The following FAM117A variants were observed in gnomAD, a reference collection of about 807,000 sequenced individuals.
The protein encoded by FAM117A is family with sequence similarity 117 member A, also known as protein FAM117A.
In FAM117A, 21 loss-of-function variants were observed where a neutral mutation model predicts 44.1. The observed-to-expected ratio is 0.48, with a 90% confidence interval of 0.34 to 0.69. The LOEUF is 0.69. Among genes scored for constraint, FAM117A ranks in the 30% least tolerant of loss-of-function variants. The pLI is 0.01. For synonymous variants in FAM117A, 220 were observed against 238.3 expected (o/e 0.92, Z 0.71); for missense variants, 498 against 589.9 (o/e 0.84, Z 1.61).
At chr17:49,766,355 A>G (rs1249420293), upstream of FAM117A, among the ~76,000 whole-genome samples, 13 of 152,244 alleles carry the variant, frequency 8.5e-5, no homozygotes, top group African/African-American at 2.2e-4. Context: ...CACATACATT[A>G]TCTCATTTAA....
upstream of FAM117A, chr17:49,788,719 G>A (rs773102402): frequency 1.9e-4 from 222 of 1,162,982 alleles, no homozygotes; most frequent in Non-Finnish European, 2.6e-4. Context: ...GAGGCACTAG[G>A]GATCGTCCGC....
At chr17:49,773,903 G>A (rs1341751700) in intron 1 of FAM117A, among the ~76,000 whole-genome samples, 1 of 151,894 alleles carries the variant, frequency 6.6e-6, no homozygotes, top group South Asian at 2.1e-4. Flanking sequence ...ACAGGCATGC[G>A]CCACCACGCC....
intron 1 of FAM117A, among the ~76,000 whole-genome samples, chr17:49,758,615 C>A: frequency 7.5e-6 from 1 of 133,226 alleles, no homozygotes; most frequent in Non-Finnish European, 1.5e-5. Context: ...CAAAGCGAGA[C>A]TGTCTCAAAA....
intron 1 of FAM117A, among the ~76,000 whole-genome samples, chr17:49,775,049 C>T (rs1176096833): frequency 6.6e-6 from 1 of 152,098 alleles, no homozygotes; most frequent in Admixed American, 6.5e-5. Flanking sequence ...AGTGCAGTGG[C>T]GCGATCTCAG....
chr17:49,721,926 T>TAA (rs55897746), intron 3 of FAM117A, among the ~76,000 whole-genome samples: 13 of 140,382 alleles, frequency 9.3e-5, no homozygotes, highest in African/African-American at 2.1e-4. Flanking sequence ...CCATCTCTAC[T>TAA]AAAAAAAAAA....
intron 2 of FAM117A, among the ~76,000 whole-genome samples, chr17:49,729,200 AT>A (rs369696138): frequency 2.5e-4 from 38 of 152,316 alleles, no homozygotes; most frequent in African/African-American, 8.9e-4. Flanking sequence ...CTGGCTTGCA[AT>A]GGGCAGGGCC....
chr17:49,721,160 T>G (rs192489474), intron 3 of FAM117A, among the ~76,000 whole-genome samples: 18 of 152,292 alleles, frequency 1.2e-4, no homozygotes, highest in Admixed American at 1.1e-3. Context: ...GGAACAGGGA[T>G]AGACACTCAA....
intron 1 of FAM117A, among the ~76,000 whole-genome samples, chr17:49,783,549 G>A (rs373302647): frequency 6.6e-5 from 10 of 152,100 alleles, no homozygotes; most frequent in African/African-American, 2.2e-4. Context: ...GTGGGGCTGC[G>A]GGTGGGGGCT....
chr17:49,753,300 C>CA (rs1471870237), intron 1 of FAM117A, among the ~76,000 whole-genome samples: 1 of 152,200 alleles, frequency 6.6e-6, no homozygotes, highest in Non-Finnish European at 1.5e-5. Context: ...TCACAACGGA[C>CA]TTTTTCTGCA....
chr17:49,738,589 G>GTTT (rs2073620331), intron 1 of FAM117A, among the ~76,000 whole-genome samples: 1 of 152,134 alleles, frequency 6.6e-6, no homozygotes, highest in South Asian at 2.1e-4. Flanking sequence ...GAGACAGCTG[G>GTTT]GCCTCAGCCT....
rs1238394942 is a variant in FAM117A, at chr17:49,733,038, A to C, written c.197-318T>G. ...CGTGAACTCCTAGATCTCCACACTG[A>C]GTTTCCTGAGAGCAGCACTGTTTCC... On this transcript the variant is annotated intron_variant, in intron 1 of 7. Transcript: ENST00000240364. The C allele has an allele frequency of 3.1e-5, 9 of 294,516 alleles. No homozygotes were observed. The East Asian group carries it at 5.9e-4, about 19-fold the overall frequency. 18.2% of individuals were successfully genotyped at this position (294,516 alleles called of 1,614,324 possible). A position where few individuals can be genotyped will look rare whatever the true frequency, so the allele number is the denominator to read the frequency against.
At chr17:49,749,640 A>G (rs1364655418) in intron 1 of FAM117A, among the ~76,000 whole-genome samples, 2 of 146,262 alleles carry the variant, frequency 1.4e-5, no homozygotes, top group African/African-American at 4.9e-5. Flanking sequence ...AGTGTTTCTT[A>G]GTCTAAGGAA....
upstream of FAM117A, among the ~76,000 whole-genome samples, chr17:49,768,085 T>A (rs2073750516): frequency 6.6e-6 from 1 of 152,188 alleles, no homozygotes; most frequent in African/African-American, 2.4e-5. Context: ...TTATTTTTCC[T>A]ACAGGTGTAA....
chr17:49,746,500 A>C (rs1400154554), intron 1 of FAM117A, among the ~76,000 whole-genome samples: 4 of 152,228 alleles, frequency 2.6e-5, no homozygotes, highest in African/African-American at 7.2e-5. Flanking sequence ...TGAAACTCAC[A>C]AGATGTAAGT....
intron 3 of FAM117A, among the ~76,000 whole-genome samples, chr17:49,722,053 C>T (rs112446645): frequency 0.07 from 10,595 of 152,148 alleles, 366 homozygotes; most frequent in African/African-American, 0.09. Flanking sequence ...GAGCCGAGAT[C>T]GTGCCACTGT....
rs1384245052 is a variant in FAM117A at position 49,763,663 on chromosome 17, C to A, written c.196+229G>T. On this transcript the variant is annotated intron_variant, in intron 1 of 7. Coordinates refer to ENST00000240364, the MANE Select transcript of FAM117A (RefSeq NM_030802.4). ...AGCCTCCATCTGCCAGGTCCCTCCC[C>A]TCACCTCCGGGACCCGACTCCCCGC... Among the ~76,000 whole-genome samples, 3 of 152,152 alleles carry A rather than the reference C, an allele frequency of 2.0e-5. No individual in the cohort carries two copies. The East Asian group carries it at 5.8e-4, about 29-fold the overall frequency.
intron 1 of FAM117A, among the ~76,000 whole-genome samples, chr17:49,735,419 T>A (rs1024560229): frequency 1.3e-5 from 2 of 151,750 alleles, no homozygotes; most frequent in Non-Finnish European, 2.9e-5. Context: ...CAATACTACC[T>A]CCACTCTCCA....
intron 1 of FAM117A, among the ~76,000 whole-genome samples, chr17:49,754,025 A>G (rs2073687688): frequency 6.6e-6 from 1 of 152,178 alleles, no homozygotes; most frequent in Non-Finnish European, 1.5e-5. Flanking sequence ...TGGTTCACAT[A>G]GCCCTTCTCT....
At chr17:49,776,318 G>A (rs995674790) in intron 1 of FAM117A, among the ~76,000 whole-genome samples, 12 of 152,148 alleles carry the variant, frequency 7.9e-5, no homozygotes, top group African/African-American at 2.9e-4. Context: ...AGAAGGGAAA[G>A]GTCCAACTGC....
Sources: gnomAD v4.1 joint callset for allele counts (sites outside exome capture counted in the v4.1 genomes callset) on GRCh38, gnomAD v4.1.1 for gene constraint, MANE v1.5 for transcripts, NCBI Gene and HGNC (gene_info 2026-07-23, HGNC 2026-07-21) for gene names.